Variants in MIA2 observed in about 807,000 individuals in gnomAD.
The protein encoded by MIA2 is MIA SH3 domain ER export factor 2, also known as melanoma inhibitory activity protein 2.
Under a neutral mutation model 167.8 loss-of-function variants are expected in MIA2, and 127 were observed. The ratio of observed to expected loss-of-function variants is 0.76; its 90% CI spans 0.66 to 0.88. The LOEUF (loss-of-function observed/expected upper bound fraction) is 0.88. Among genes scored for constraint, MIA2 ranks in the 40% least tolerant of loss-of-function variants. The pLI is 0.00. For synonymous variants in MIA2, 552 were observed against 541.9 expected (o/e 1.02, Z -0.26); for missense variants, 1,690 against 1,624.7 (o/e 1.04, Z -0.69).
chr14:39,386,267 G>T (rs1460632466), intron 23 of MIA2: 25 of 1,438,886 alleles, frequency 1.7e-5, no homozygotes, highest in Non-Finnish European at 2.0e-5. Flanking sequence ...TGATAACTCA[G>T]TCGGTAATTT....
At chr14:39,373,028 G>A (rs1698978042) in intron 23 of MIA2, among the ~76,000 whole-genome samples, 1 of 152,136 alleles carries the variant, frequency 6.6e-6, no homozygotes, top group Non-Finnish European at 1.5e-5. Flanking sequence ...AGTTAGAGCC[G>A]TCCCTAGCAC....
intron 23 of MIA2, among the ~76,000 whole-genome samples, chr14:39,373,677 T>G (rs938627054): frequency 6.6e-6 from 1 of 151,960 alleles, no homozygotes; most frequent in Admixed American, 6.6e-5. Flanking sequence ...AAAAATTAGC[T>G]GGGCATGGTG....
intron 6 of MIA2, among the ~76,000 whole-genome samples, chr14:39,271,904 TGGTTCCCCTACCAGAA>T (rs1349874497): frequency 6.6e-6 from 1 of 151,820 alleles, no homozygotes; most frequent in Non-Finnish European, 1.5e-5. Flanking sequence ...ATGCAGGGGG[TGGTTCCCCTACCAGAA>T]GGCAGGAAAG....
chr14:39,237,447 C>CT (rs1432589586), intron 2 of MIA2, among the ~76,000 whole-genome samples: 1 of 152,052 alleles, frequency 6.6e-6, no homozygotes, highest in African/African-American at 2.4e-5. Flanking sequence ...TGCTTTTCAT[C>CT]TTTAAAGAAA....
intron 6 of MIA2, chr14:39,266,655 G>A: frequency 1.0e-6 from 1 of 985,628 alleles, no homozygotes; most frequent in Middle Eastern, 5.2e-4. Context: ...GGGCGCACCG[G>A]CGCGTGCCCC....
At chr14:39,361,358 C>CT (rs912627864) in intron 23 of MIA2, among the ~76,000 whole-genome samples, 8 of 151,592 alleles carry the variant, frequency 5.3e-5, no homozygotes, top group African/African-American at 9.7e-5. Flanking sequence ...GGCCTTTCAC[C>CT]TCCTTGTTTA....
In MIA2 at chr14:39,313,450, T is replaced by C. The variant is rs749984293; in HGVS notation, c.3119+9T>C. On this transcript the variant is annotated intron_variant, in intron 19 of 28. Transcript: ENST00000640607. ...GAGCTGGAGACCTATAGGTATTAAA[T>C]ACATTTTTCTGGTTTCTTTTTTGGA... 1 of 1,491,586 alleles carries C rather than the reference T, an allele frequency of 6.7e-7. No homozygotes were observed. The highest frequency in any genetic ancestry group is 1.3e-5 in the South Asian group (1 of 75,886). The allele number at this position is 1,491,586 out of a possible 1,614,324, so 92.4% of individuals were successfully genotyped here. A position where few individuals can be genotyped will look rare whatever the true frequency, so the allele number is the denominator to read the frequency against.
chr14:39,291,929 CAG>C (rs1252045624), intron 10 of MIA2, among the ~76,000 whole-genome samples: 1 of 152,160 alleles, frequency 6.6e-6, no homozygotes. Context: ...GATACTAAAA[CAG>C]AAAACAGTAG....
chr14:39,268,487 G>A (rs2056469486), intron 6 of MIA2, among the ~76,000 whole-genome samples: 2 of 152,044 alleles, frequency 1.3e-5, no homozygotes. Flanking sequence ...AGAAACTGAT[G>A]AAGTGCTTAC....
At chr14:39,275,139 TTGTGTGTGTGTG>T (rs67380839) in intron 6 of MIA2, among the ~76,000 whole-genome samples, 64 of 126,716 alleles carry the variant, frequency 5.1e-4, no homozygotes, top group African/African-American at 1.9e-3. Context: ...CCTTAATCCT[TTGTGTGTGTGTG>T]TGTGTGTGTG....
At chr14:39,288,021 A>G (rs533804406) in intron 9 of MIA2, among the ~76,000 whole-genome samples, 4 of 152,036 alleles carry the variant, frequency 2.6e-5, no homozygotes, top group South Asian at 4.2e-4. Flanking sequence ...TAATTTGTCT[A>G]TCTTTGGTAG....
chr14:39,285,289 G>A (rs2059463556), intron 9 of MIA2, among the ~76,000 whole-genome samples: 1 of 152,090 alleles, frequency 6.6e-6, no homozygotes, highest in African/African-American at 2.4e-5. Context: ...CGGGGTGGTG[G>A]CTGGGCAGAA....
At chr14:39,263,707 C>T (rs1277839602) in intron 6 of MIA2, among the ~76,000 whole-genome samples, 3 of 149,750 alleles carry the variant, frequency 2.0e-5, no homozygotes, top group Non-Finnish European at 4.4e-5. Context: ...TCTCAGCTCA[C>T]TGCAATCTCG....
At chr14:39,249,679 G>A (rs761749479) in intron 4 of MIA2, among the ~76,000 whole-genome samples, 4 of 152,144 alleles carry the variant, frequency 2.6e-5, no homozygotes, top group Non-Finnish European at 4.4e-5. Flanking sequence ...TTAAAAACAT[G>A]TGGATGGTAT....
chr14:39,269,093 T>TTTTTTTG (rs2056636577), intron 6 of MIA2: 1 of 948,308 alleles, frequency 1.1e-6, no homozygotes, highest in African/African-American at 1.9e-5. Context: ...TTTTTTTTTT[T>TTTTTTTG]TTTTTTGCTA....
At chr14:39,339,090 C>T (rs116444848) in intron 25 of MIA2, among the ~76,000 whole-genome samples, 4,786 of 152,226 alleles carry the variant, frequency 0.031, 275 homozygotes, top group African/African-American at 0.11. Context: ...TAGTTAGATT[C>T]TCATAAGGAA....
chr14:39,312,807 A>G (rs1020012752), intron 18 of MIA2, among the ~76,000 whole-genome samples: 3 of 151,934 alleles, frequency 2.0e-5, no homozygotes, highest in Non-Finnish European at 4.4e-5. Flanking sequence ...TAAGTTATCT[A>G]TTATTATTAT....
At chr14:39,307,062 CTA>C (rs2152909989) in intron 17 of MIA2, among the ~76,000 whole-genome samples, 1 of 152,062 alleles carries the variant, frequency 6.6e-6, no homozygotes, top group South Asian at 2.1e-4. Context: ...CTGTTTTAAA[CTA>C]GGAGTATGTT....
At chr14:39,363,302 G>A (rs2074735337) in intron 23 of MIA2, among the ~76,000 whole-genome samples, 1 of 152,196 alleles carries the variant, frequency 6.6e-6, no homozygotes, top group South Asian at 2.1e-4. Context: ...GGCCAAGGTG[G>A]GAGGTTTTCT....
Sources: gnomAD v4.1 joint callset for allele counts (sites outside exome capture counted in the v4.1 genomes callset) on GRCh38, gnomAD v4.1.1 for gene constraint, MANE v1.5 for transcripts, NCBI Gene and HGNC (gene_info 2026-07-23, HGNC 2026-07-21) for gene names.